The following SARNP variants were observed in gnomAD, a reference collection of about 807,000 sequenced individuals.
SARNP encodes SAP domain-containing ribonucleoprotein.
In SARNP, 5 loss-of-function variants were observed where a neutral mutation model predicts 38.1. The observed-to-expected ratio is 0.13, with a 90% CI of 0.07 to 0.28. SARNP has a LOEUF of 0.28. Ranked by LOEUF, SARNP falls within the 10% of genes least tolerant of loss-of-function variation. SARNP has a pLI of 1.00. For synonymous variants in SARNP, 84 were observed against 80.6 expected (o/e 1.04, Z -0.23); for missense variants, 180 against 243.9 (o/e 0.74, Z 1.75).
intron 9 of SARNP, among the ~76,000 whole-genome samples, chr12:55,768,515 C>G (rs1878913899): frequency 6.6e-6 from 1 of 151,976 alleles, no homozygotes; most frequent in Non-Finnish European, 1.5e-5. Context: ...ACCCCCACCT[C>G]CCGGGTTCAT....
In SARNP at chr12:55,817,711, C is replaced by T. The variant is rs375677738; in HGVS notation, c.-10G>A. 186 of 1,612,628 alleles carry T rather than the reference C, an allele frequency of 1.2e-4. 1 individual carries two copies. Among genetic ancestry groups the T allele is most frequent in the Admixed American group, 7.5e-4 (45 of 59,678 alleles). ...CCGTCTCGGTCGCCATCTTGTTACCCCTCACTCCACTAGGCCCCCACCCGC... is the reference window on the plus strand; with the variant it reads ...CCGTCTCGGTCGCCATCTTGTTACCTCTCACTCCACTAGGCCCCCACCCGC... On this transcript the variant is annotated 5_prime_UTR_variant, in exon 1 of 11. Coordinates refer to ENST00000336133, the MANE Select transcript of SARNP (RefSeq NM_033082.4).
chr12:55,779,373 A>G (rs1183233599), intron 9 of SARNP, among the ~76,000 whole-genome samples: 1 of 152,190 alleles, frequency 6.6e-6, no homozygotes, highest in African/African-American at 2.4e-5. Flanking sequence ...TCTTGGTCCC[A>G]TGGCTGTATG....
intron 1 of SARNP, among the ~76,000 whole-genome samples, chr12:55,804,874 T>C (rs771908414): frequency 7.2e-5 from 11 of 152,202 alleles, no homozygotes; most frequent in African/African-American, 1.9e-4. Context: ...CAGACTCCTA[T>C]AGACAAAAAA....
At chr12:55,790,153 C>T (rs1477947307) in intron 8 of SARNP, among the ~76,000 whole-genome samples, 1 of 149,696 alleles carries the variant, frequency 6.7e-6, no homozygotes, top group Non-Finnish European at 1.5e-5. Context: ...TCTGATTTCA[C>T]ATTTCACGGA....
intron 1 of SARNP, among the ~76,000 whole-genome samples, chr12:55,813,813 G>A (rs1880404464): frequency 6.6e-6 from 1 of 152,128 alleles, no homozygotes. Context: ...CAAAGTACTG[G>A]GATTACAAGC....
intron 1 of SARNP, among the ~76,000 whole-genome samples, chr12:55,813,733 G>A (rs570339527): frequency 7.9e-4 from 120 of 152,058 alleles, no homozygotes; most frequent in South Asian, 1.9e-3. Flanking sequence ...TAATAGTGAC[G>A]GGGTTTCTCC....
At chr12:55,760,360 A>G (rs1217981575) in intron 10 of SARNP, 191 bp downstream of exon 10, 1 of 543,800 alleles carries the variant, frequency 1.8e-6, no homozygotes, top group Non-Finnish European at 3.2e-6. Flanking sequence ...ATAATTAAGA[A>G]GTAGGTGGGA....
downstream of SARNP, chr12:55,756,315 G>C (rs979266326): frequency 2.6e-5 from 4 of 152,166 alleles, no homozygotes; most frequent in African/African-American, 9.7e-5. Context: ...GCAGTTTTTG[G>C]ATCTGCTCTC....
chr12:55,755,927 G>C (rs1483185283), downstream of SARNP: 1 of 15,548 alleles, frequency 6.4e-5, no homozygotes, highest in Non-Finnish European at 1.1e-4. Context: ...GAAGGTTATA[G>C]AGGATAAAGA....
chr12:55,775,282 AGCATGGTGGCTCAC>A (rs2136186363), intron 9 of SARNP, among the ~76,000 whole-genome samples: 1 of 150,436 alleles, frequency 6.6e-6, no homozygotes, highest in African/African-American at 2.4e-5. Flanking sequence ...AAGATGGACA[AGCATGGTGGCTCAC>A]GCCTGTAATC....
chr12:55,807,728 G>A (rs971997229), intron 1 of SARNP, among the ~76,000 whole-genome samples: 8 of 151,374 alleles, frequency 5.3e-5, no homozygotes, highest in East Asian at 1.9e-4. Context: ...GCAGGAGAAC[G>A]GCGTGAACCC....
intron 1 of SARNP, among the ~76,000 whole-genome samples, chr12:55,804,876 G>A (rs1381550341): frequency 6.6e-6 from 1 of 152,158 alleles, no homozygotes; most frequent in Non-Finnish European, 1.5e-5. Context: ...GACTCCTATA[G>A]ACAAAAAATT....
intron 1 of SARNP, chr12:55,815,851 T>C (rs745305697): frequency 1.3e-5 from 2 of 152,236 alleles, no homozygotes; most frequent in Admixed American, 6.5e-5. Flanking sequence ...ATGCAAAATA[T>C]GTGTACATGC....
chr12:55,780,344 T>C (rs1353495224), intron 9 of SARNP, among the ~76,000 whole-genome samples: 1 of 150,978 alleles, frequency 6.6e-6, no homozygotes, highest in East Asian at 2.0e-4. Flanking sequence ...ATCCCAGCTA[T>C]TCGGGAGGCT....
intron 8 of SARNP, among the ~76,000 whole-genome samples, chr12:55,789,632 G>C (rs1879604635): frequency 6.6e-6 from 1 of 152,038 alleles, no homozygotes; most frequent in Non-Finnish European, 1.5e-5. Context: ...TTGGTACATG[G>C]ACTTGCTACT....
rs1187594580 is a variant in SARNP, at chr12:55,774,575, CA to C, written c.502-13936del. ...GTCTCTACTGAAAAAAAAAAAAAAA[CA>C]AACAAAAAAAAAAAAACAAAAATTA... is the stretch of plus-strand genomic sequence containing the variant. On this transcript the variant is annotated intron_variant, in intron 9 of 10. Coordinates refer to ENST00000336133, the MANE Select transcript of SARNP (RefSeq NM_033082.4). Among the ~76,000 whole-genome samples the C allele has an allele frequency of 8.3e-4, 34 of 41,208 alleles. 2 individuals carry two copies. Among genetic ancestry groups the C allele is most frequent in the African/African-American group, 4.0e-3 (32 of 7,986 alleles). The allele number at this position is 41,208 out of a possible 152,430, so 27.0% of individuals were successfully genotyped here.
chr12:55,772,944 A>G (rs779427636), intron 9 of SARNP, among the ~76,000 whole-genome samples: 17 of 151,980 alleles, frequency 1.1e-4, no homozygotes, highest in Admixed American at 2.0e-4. Flanking sequence ...CTAACTTCCA[A>G]TCTCAGGTGA....
chr12:55,774,575 C>CAAAAAAA (rs1187594580), intron 9 of SARNP, among the ~76,000 whole-genome samples: 1 of 41,216 alleles, frequency 2.4e-5, no homozygotes, highest in Non-Finnish European at 4.0e-5. Flanking sequence ...AAAAAAAAAA[C>CAAAAAAA]AAACAAAAAA....
At chr12:55,792,827 A>G (rs1221720279) in intron 7 of SARNP, 1 of 151,954 alleles carries the variant, frequency 6.6e-6, no homozygotes, top group Non-Finnish European at 1.5e-5. Context: ...TGGGACTACA[A>G]ACACCTGCCA....
Sources: allele counts gnomAD v4.1 joint callset (sites outside exome capture counted in the v4.1 genomes callset), GRCh38; gene constraint gnomAD v4.1.1; transcripts MANE v1.5; gene names NCBI Gene and HGNC (gene_info 2026-07-23, HGNC 2026-07-21).